Variants in LRRC4C observed in about 807,000 individuals in gnomAD.
The protein encoded by LRRC4C is leucine rich repeat containing 4C.
Under a neutral mutation model 33.6 loss-of-function variants are expected in LRRC4C, and 5 were observed. That is an observed-to-expected ratio of 0.15 (90% CI 0.08 to 0.31). The LOEUF (loss-of-function observed/expected upper bound fraction) is 0.31, where lower values mean the gene tolerates loss of function less well. LRRC4C is among the 10% of genes least tolerant of loss of function. The probability of loss-of-function intolerance (pLI) is 1.00; values close to 1 mark genes in which losing one functional copy is unlikely to be tolerated. For missense variants in LRRC4C, 560 were observed against 796.7 expected (o/e 0.70, Z 3.58); for synonymous variants, 329 against 302.0 (o/e 1.09, Z -0.93).
At chr11:40,567,264 G>A (rs895469510) in intron 3 of LRRC4C, among the ~76,000 whole-genome samples, 1 of 151,884 alleles carries the variant, frequency 6.6e-6, no homozygotes, top group Non-Finnish European at 1.5e-5. Flanking sequence ...AAAACACTTG[G>A]TAATCACATT....
intron 1 of LRRC4C, among the ~76,000 whole-genome samples, chr11:41,099,474 C>T (rs976220080): frequency 6.6e-6 from 1 of 151,718 alleles, no homozygotes; most frequent in African/African-American, 2.4e-5. Context: ...TCCAGCAGCA[C>T]ATCAAAAAGC....
chr11:41,067,019 A>T (rs1938295303), intron 1 of LRRC4C, among the ~76,000 whole-genome samples: 1 of 152,208 alleles, frequency 6.6e-6, no homozygotes, highest in Non-Finnish European at 1.5e-5. Flanking sequence ...TAGTGTGCAA[A>T]ATAACCAACT....
At chr11:40,949,262 ACATTAGCCCTTTGT>A (rs1958577012) in intron 1 of LRRC4C, among the ~76,000 whole-genome samples, 2 of 152,088 alleles carry the variant, frequency 1.3e-5, no homozygotes, top group African/African-American at 4.8e-5. Context: ...TAGATTCTGG[ACATTAGCCCTTTGT>A]CAGATAAGTA....
chr11:40,379,801 C>T (rs1056451962), intron 3 of LRRC4C, among the ~76,000 whole-genome samples: 1 of 152,186 alleles, frequency 6.6e-6, no homozygotes, highest in Non-Finnish European at 1.5e-5. Context: ...TTGATACATG[C>T]GTTGTGCTCA....
chr11:40,802,231 A>G (rs1342030298), intron 2 of LRRC4C, among the ~76,000 whole-genome samples: 5 of 152,196 alleles, frequency 3.3e-5, no homozygotes, highest in Non-Finnish European at 5.9e-5. Flanking sequence ...GTAAAATTAT[A>G]TAAGACCAAA....
intron 5 of LRRC4C, among the ~76,000 whole-genome samples, chr11:40,162,826 A>G (rs556200551): frequency 6.6e-6 from 1 of 152,294 alleles, no homozygotes; most frequent in African/African-American, 2.4e-5. Flanking sequence ...GGCTGTCCAA[A>G]TACAACAATG....
At chr11:40,912,377 G>C (rs1212528076) in intron 2 of LRRC4C, among the ~76,000 whole-genome samples, 1 of 152,206 alleles carries the variant, frequency 6.6e-6, no homozygotes, top group Non-Finnish European at 1.5e-5. Context: ...CCAGAAGAAA[G>C]TTGGGGCCAA....
chr11:41,246,790 T>C (rs1948469107), intron 1 of LRRC4C, among the ~76,000 whole-genome samples: 2 of 152,372 alleles, frequency 1.3e-5, no homozygotes, highest in South Asian at 4.1e-4. Flanking sequence ...GTTTACCCAA[T>C]TAATAAATGT....
chr11:40,610,286 G>T (rs1042678028), intron 3 of LRRC4C, among the ~76,000 whole-genome samples: 2 of 151,756 alleles, frequency 1.3e-5, no homozygotes, highest in African/African-American at 2.4e-5. Context: ...AAAATCATAT[G>T]AAAATCTAAA....
chr11:41,039,979 T>A (rs1857329702), intron 1 of LRRC4C, among the ~76,000 whole-genome samples: 1 of 151,308 alleles, frequency 6.6e-6, no homozygotes, highest in Non-Finnish European at 1.5e-5. Context: ...CTACTAAAAA[T>A]ACAAAAAAAT....
chr11:40,567,602 A>G (rs1957816587), intron 3 of LRRC4C, among the ~76,000 whole-genome samples: 1 of 152,040 alleles, frequency 6.6e-6, no homozygotes, highest in Non-Finnish European at 1.5e-5. Flanking sequence ...AAGATATATG[A>G]CTCCTTATAA....
At position 40,172,332 on chromosome 11, in the gene LRRC4C, A is replaced by T. The variant is rs12292825; in HGVS notation, c.-95-31479T>A. 7.4e-3 allele frequency among the ~76,000 whole-genome samples: 1,131 copies of T among 152,252 alleles called. 18 individuals are homozygous for T. Among genetic ancestry groups the T allele is most frequent in the African/African-American group, 0.026 (1,077 of 41,536 alleles). ...AATCACTCTCCTAGATGACTTTAGC[A>T]GTATTCCTACTGACTAATCCTACAC... On this transcript the variant is annotated intron_variant, in intron 5 of 6. Coordinates refer to ENST00000528697, the MANE Select transcript of LRRC4C (RefSeq NM_001258419.2).
chr11:41,394,466 T>C (rs1953727974), intron 1 of LRRC4C: 1 of 151,954 alleles, frequency 6.6e-6, no homozygotes, highest in African/African-American at 2.4e-5. Flanking sequence ...CATACCTTTC[T>C]TTCTACTTCA....
intron 3 of LRRC4C, among the ~76,000 whole-genome samples, chr11:40,361,502 C>T (rs547337483): frequency 1.3e-5 from 2 of 152,270 alleles, no homozygotes; most frequent in South Asian, 2.1e-4. Flanking sequence ...AAAGTAATTG[C>T]GGTTTTTGCC....
intron 1 of LRRC4C, among the ~76,000 whole-genome samples, chr11:41,397,581 G>A (rs1411775904): frequency 6.6e-6 from 1 of 151,480 alleles, no homozygotes. Flanking sequence ...ACATTTTGGG[G>A]GAGTCAAAAG....
intron 1 of LRRC4C, among the ~76,000 whole-genome samples, chr11:41,161,976 C>T (rs1448653778): frequency 6.6e-6 from 1 of 151,730 alleles, no homozygotes; most frequent in Non-Finnish European, 1.5e-5. Flanking sequence ...TGCTTTTTAC[C>T]CACTCTTAAT....
intron 3 of LRRC4C, among the ~76,000 whole-genome samples, chr11:40,409,734 C>T (rs887383034): frequency 1.3e-5 from 2 of 151,706 alleles, no homozygotes; most frequent in Non-Finnish European, 2.9e-5. Flanking sequence ...GAAAATAACA[C>T]GGTTTAGAAA....
chr11:41,346,792 T>C (rs930936218), intron 1 of LRRC4C, among the ~76,000 whole-genome samples: 1 of 152,198 alleles, frequency 6.6e-6, no homozygotes, highest in Non-Finnish European at 1.5e-5. Flanking sequence ...GGTACTCTTA[T>C]TCATCTTATA....
intron 2 of LRRC4C, among the ~76,000 whole-genome samples, chr11:40,651,272 T>C (rs1942780414): frequency 6.6e-6 from 1 of 152,094 alleles, no homozygotes; most frequent in South Asian, 2.1e-4. Flanking sequence ...GAGGGAAGTG[T>C]CTTAACACGT....
Sources: gnomAD v4.1 joint callset for allele counts (sites outside exome capture counted in the v4.1 genomes callset) on GRCh38, gnomAD v4.1.1 for gene constraint, MANE v1.5 for transcripts, NCBI Gene and HGNC (gene_info 2026-07-23, HGNC 2026-07-21) for gene names.